Variants in PRRC2A observed in about 807,000 individuals in gnomAD.
PRRC2A encodes proline rich coiled-coil 2A, also known as protein PRRC2A.
In PRRC2A, 59 loss-of-function variants were observed where a neutral mutation model predicts 224.6. The ratio of observed to expected loss-of-function variants is 0.26; its 90% CI spans 0.21 to 0.33. The LOEUF is 0.33. Ranked by LOEUF, PRRC2A falls within the 10% of genes least tolerant of loss-of-function variation. The pLI is 1.00. For synonymous variants in PRRC2A, 1,194 were observed against 1,109.5 expected (o/e 1.08, Z -1.51); for missense variants, 3,095 against 2,880.7 (o/e 1.07, Z -1.70).
Position 31,627,602 on chromosome 6 carries a change from CAAAG to C in PRRC2A, c.1291-160_1291-157del, listed in dbSNP as rs1206944464. ...TGGGCAACATAGCAAGACGTGGTCT[CAAAG>C]AAGACCAGGATAATGAGTTTGTCAC... On this transcript the variant is annotated intron_variant, in intron 11 of 30. Transcript: ENST00000376033. The surrounding 1 kb of genome is among the most constrained non-coding windows in gnomAD (Gnocchi z 5.6). Among the ~76,000 whole-genome samples, 2 of 152,168 alleles carry C rather than the reference CAAAG, an allele frequency of 1.3e-5. No individual in the cohort carries two copies. Among genetic ancestry groups the C allele is most frequent in the Non-Finnish European group, 2.9e-5 (2 of 68,032 alleles).
rs1319286343 is a variant in PRRC2A, at chr6:31,635,155, GCCCCCTGGC to G, written c.5188_5196del (p.Pro1730_Pro1732del). 1.2e-6 allele frequency: 2 copies of G among 1,614,104 alleles called. No individual in the cohort carries two copies. The highest frequency in any genetic ancestry group is 8.5e-7 in the Non-Finnish European group (1 of 1,180,002). On this transcript the variant is annotated inframe_deletion, in exon 22 of 31. Transcript: ENST00000376033. ...AGGAGCTGCCCCGGGAGCAGCCTCT[GCCCCCTGGC>G]CCCATTGGCACAGAACGATCACAGC...
At position 31,633,859 on chromosome 6, in the gene PRRC2A, A is replaced by T; in HGVS notation, c.4589A>T (p.Asp1530Val). The part of the protein sequence containing the change: ...PQRVNSGLSS[D>V]PHFEEPGPMV... ...TGCTGACCCTTTTTCTCTTTCCCAG[A>T]CCCCCACTTTGAGGAGCCGGGGCCA... The change falls in exon 18 of 31, where the codon GAC (aspartate) becomes GTC (valine). Residue 1530 changes from aspartate to valine, a missense_variant and splice_region_variant. Transcript: ENST00000376033. 3 of 1,456,592 alleles carry T rather than the reference A, an allele frequency of 2.1e-6. No individual in the cohort carries two copies. The highest frequency in any genetic ancestry group is 1.8e-6 in the Non-Finnish European group (2 of 1,101,532). The allele number at this position is 1,456,592 out of a possible 1,614,324, so 90.2% of individuals were successfully genotyped here.
At chr6:31,634,386 G>A in intron 19 of PRRC2A, 21 bp downstream of exon 19, 1 of 1,612,074 alleles carries the variant, frequency 6.2e-7, no homozygotes, top group Non-Finnish European at 8.5e-7. Flanking sequence ...CTGAGTGAAA[G>A]GACTATGGTA....
rs1362256291 is a variant in PRRC2A, at chr6:31,635,742, G to T, written c.5534G>T (p.Ser1845Ile). The T allele has an allele frequency of 1.3e-5, 20 of 1,582,126 alleles. No individual in the cohort carries two copies. The highest frequency in any genetic ancestry group is 3.4e-5 in the South Asian group (3 of 87,114). ...TTCTATGGCAGTGCTGGGCCTTCCA[G>T]TTCTCAGGTAGGCCCCGCTTCCCAT... is the stretch of plus-strand genomic sequence containing the variant. ...EVFYGSAGPS[S>I]SQISGGAMDS... The change falls in exon 24 of 31, where the codon AGT (serine) becomes ATT (isoleucine). Residue 1845 changes from serine to isoleucine, a missense_variant. Coordinates refer to ENST00000376033, the MANE Select transcript of PRRC2A (RefSeq NM_004638.4).
chr6:31,631,742 C>CCGGGGT lies in PRRC2A; in HGVS notation c.3075_3080dup (p.Arg1028_Gly1029dup). The CCGGGGT allele has an allele frequency of 6.5e-7, 1 of 1,532,144 alleles. No individual in the cohort carries two copies. 94.9% of individuals were successfully genotyped at this position (1,532,144 alleles called of 1,614,324 possible). A position where few individuals can be genotyped will look rare whatever the true frequency, so the allele number is the denominator to read the frequency against. The stretch of plus-strand genomic sequence containing the variant: ...ATGAAAGAGTGGGTCCTACCTCTTG[C>CCGGGGT]CGGGGTCGGGGCCGAGGCGAGTATT... On this transcript the variant is annotated inframe_insertion, in exon 16 of 31. Coordinates refer to ENST00000376033, the MANE Select transcript of PRRC2A (RefSeq NM_004638.4). The surrounding 1 kb of genome is among the most constrained non-coding windows in gnomAD (Gnocchi z 4.5).
chr6:31,634,673 G>A, intron 20 of PRRC2A, 80 bp from the exon 21 acceptor site: 1 of 1,565,910 alleles, frequency 6.4e-7, no homozygotes, highest in South Asian at 1.1e-5. Context: ...TCCCCTTTCT[G>A]CAGTTTGTAT....
chr6:31,635,858 C>A, intron 24 of PRRC2A, 109 bp downstream of exon 24: 1 of 1,448,316 alleles, frequency 6.9e-7, no homozygotes. Flanking sequence ...TGAGATACCA[C>A]TTTGTCACAT....
Position 31,626,028 on chromosome 6 carries a change from C to T in PRRC2A, c.848C>T (p.Pro283Leu), listed in dbSNP as rs1386262306. The change falls in exon 9 of 31, where the codon CCC (proline) becomes CTC (leucine). Residue 283 changes from proline to leucine, a missense_variant. Pro to Leu is a moderately conservative substitution (Grantham distance 98, BLOSUM62 -3). Around this residue, in one of 8 missense-constraint regions of PRRC2A, gnomAD observed 287 missense variants for 275.3 expected, o/e 1.04. Coordinates refer to ENST00000376033, the MANE Select transcript of PRRC2A (RefSeq NM_004638.4). Reference sequence around the variant, plus strand: ...TTCTTTTTTGTGTACAGCCGTTTTCCCCGTGTGGCGGGCCCCCGAGGCTCA... The same window carrying T: ...TTCTTTTTTGTGTACAGCCGTTTTCTCCGTGTGGCGGGCCCCCGAGGCTCA... ...YPTPDGPSRF[P>L]RVAGPRGSGP... 1 of 1,611,844 alleles carries T rather than the reference C, an allele frequency of 6.2e-7. No individual in the cohort carries two copies. The highest frequency in any genetic ancestry group is 8.5e-7 in the Non-Finnish European group (1 of 1,179,614).
In PRRC2A at chr6:31,637,704, T is replaced by TC; in HGVS notation, c.*118_*119insC. 1 of 569,728 alleles carries TC rather than the reference T, an allele frequency of 1.8e-6. No individual in the cohort carries two copies. The highest frequency in any genetic ancestry group is 2.8e-6 in the Non-Finnish European group (1 of 359,038). The allele number at this position is 569,728 out of a possible 1,614,324, so 35.3% of individuals were successfully genotyped here. A position where few individuals can be genotyped will look rare whatever the true frequency, so the allele number is the denominator to read the frequency against. On this transcript the variant is annotated 3_prime_UTR_variant, in exon 31 of 31. Coordinates refer to ENST00000376033, the MANE Select transcript of PRRC2A (RefSeq NM_004638.4). ...GGGGCCTCACTTCCCCTCCTCCCCC[T>TC]TCCCCTGGTCCCCTGTCCCTGGGGC...
At chr6:31,621,486 C>CG (rs1561787505) in intron 1 of PRRC2A, among the ~76,000 whole-genome samples, 26 of 151,420 alleles carry the variant, frequency 1.7e-4, no homozygotes, top group African/African-American at 3.1e-4. Flanking sequence ...TTGTCTACAT[C>CG]CTTTTTTTTT....
At chr6:31,621,887 A>G (rs1376742069) in intron 1 of PRRC2A, among the ~76,000 whole-genome samples, 1 of 152,224 alleles carries the variant, frequency 6.6e-6, no homozygotes, top group African/African-American at 2.4e-5. Flanking sequence ...TAATGAGGAT[A>G]GGAAAACGAA....
intron 14 of PRRC2A, 35 bp downstream of exon 14, chr6:31,629,880 G>A: frequency 6.2e-7 from 1 of 1,609,232 alleles, no homozygotes; most frequent in Non-Finnish European, 8.5e-7. Flanking sequence ...AAACAGGAAA[G>A]TCCCCTCAGT....
In PRRC2A at chr6:31,633,430, C is replaced by T. The variant is rs780381483; in HGVS notation, c.4371C>T (p.Pro1457=). 6 of 1,613,102 alleles carry T rather than the reference C, an allele frequency of 3.7e-6. No individual in the cohort carries two copies. The highest frequency in any genetic ancestry group is 5.1e-6 in the Non-Finnish European group (6 of 1,180,024). The change falls in exon 17 of 31, where the codon CCC becomes CCT. Residue 1457 remains proline (P), a synonymous_variant. Transcript: ENST00000376033. The part of the protein sequence containing the change: ...PPGLPLPPPP[P]SSSAVFRLDQ... The stretch of plus-strand genomic sequence containing the variant: ...GGCTTCCCCTGCCTCCCCCACCTCC[C>T]AGCAGTTCTGCTGTCTTCCGCCTGG...
rs1163805040 is a variant in PRRC2A at position 31,633,360 on chromosome 6, A to G, written c.4320-19A>G. 2.5e-6 allele frequency: 4 copies of G among 1,606,650 alleles called. No homozygotes were observed. Among genetic ancestry groups the G allele is most frequent in the Non-Finnish European group, 3.4e-6 (4 of 1,175,778 alleles). ...TAACGATTTAGTGGATACTGGAGCT[A>G]ATGCTCTGTTTTCTCCAGTCGTCCT... On this transcript the variant is annotated intron_variant, in intron 16 of 30. Transcript: ENST00000376033.
chr6:31,627,736 TG>T lies in PRRC2A; in HGVS notation c.1291-27del. On this transcript the variant is annotated intron_variant, in intron 11 of 30. Transcript: ENST00000376033. The surrounding 1 kb of genome is among the most constrained non-coding windows in gnomAD (Gnocchi z 5.6). ...TAGAAAGCATAGTAACTGATTCCCC[TG>T]GCCCTGCTGGGTCTTGCCAATTGAC... The T allele has an allele frequency of 6.2e-7, 1 of 1,606,464 alleles. No homozygotes were observed. Among genetic ancestry groups the T allele is most frequent in the Non-Finnish European group, 8.5e-7 (1 of 1,175,752 alleles).
Position 31,635,158 on chromosome 6 carries a change from C to G in PRRC2A, c.5187C>G (p.Pro1729=). ...AGCTGCCCCGGGAGCAGCCTCTGCC[C>G]CCTGGCCCCATTGGCACAGAACGAT... ...RKELPREQPL[P]PGPIGTERSQ... Residue 1729 remains proline, a synonymous_variant, in exon 22 of 31, where the codon CCC becomes CCG. Coordinates refer to ENST00000376033, the MANE Select transcript of PRRC2A (RefSeq NM_004638.4). 1.9e-6 allele frequency: 3 copies of G among 1,614,204 alleles called. No individual in the cohort carries two copies. The highest frequency in any genetic ancestry group is 2.5e-6 in the Non-Finnish European group (3 of 1,180,028).
chr6:31,631,745 G>T lies in PRRC2A; in HGVS notation c.3072G>T (p.Arg1024=). 1 of 1,532,798 alleles carries T rather than the reference G, an allele frequency of 6.5e-7. No individual in the cohort carries two copies. The highest frequency in any genetic ancestry group is 8.8e-7 in the Non-Finnish European group (1 of 1,139,332). 94.9% of individuals were successfully genotyped at this position (1,532,798 alleles called of 1,614,324 possible). A position where few individuals can be genotyped will look rare whatever the true frequency, so the allele number is the denominator to read the frequency against. Reference sequence around the variant, plus strand: ...AAAGAGTGGGTCCTACCTCTTGCCGGGGTCGGGGCCGAGGCGAGTATTTTG... The same window carrying T: ...AAAGAGTGGGTCCTACCTCTTGCCGTGGTCGGGGCCGAGGCGAGTATTTTG... ...SYERVGPTSC[R]GRGRGEYFAR... Residue 1024 remains arginine (R), a synonymous_variant, in exon 16 of 31, where the codon CGG becomes CGT. Transcript: ENST00000376033. The surrounding 1 kb of genome is among the most constrained non-coding windows in gnomAD (Gnocchi z 4.5).
At chr6:31,622,992 G>T in intron 2 of PRRC2A, 91 bp downstream of exon 2, 1 of 1,102,842 alleles carries the variant, frequency 9.1e-7, no homozygotes. Context: ...AGTGGCTGTA[G>T]TAGAAATACC....
At chr6:31,626,242 G>A in intron 9 of PRRC2A, 80 bp downstream of exon 9, 1 of 1,485,482 alleles carries the variant, frequency 6.7e-7, no homozygotes, top group South Asian at 1.2e-5. Context: ...GGGTTATGTG[G>A]GTGAAAGGCA....
Sources: allele counts gnomAD v4.1 joint callset (sites outside exome capture counted in the v4.1 genomes callset), GRCh38; gene constraint gnomAD v4.1.1; regional missense constraint gnomAD v4.1.1; non-coding constraint Gnocchi (gnomAD v3.1); transcripts MANE v1.5; gene names NCBI Gene and HGNC (gene_info 2026-07-23, HGNC 2026-07-21).